The following SLC29A3 variants were observed in gnomAD, a reference collection of about 807,000 sequenced individuals.
SLC29A3 encodes the protein solute carrier family 29 member 3, also known as equilibrative nucleoside transporter 3.
A neutral mutation model predicts 25.4 loss-of-function variants in SLC29A3; 18 were observed. The ratio of observed to expected loss-of-function variants is 0.71; its 90% CI spans 0.49 to 1.05. SLC29A3 has a LOEUF of 1.05. Ranked by LOEUF, SLC29A3 falls within the 50% of genes least tolerant of loss-of-function variation. The pLI is 0.00. For missense variants in SLC29A3, 586 were observed against 609.0 expected, an observed-to-expected ratio of 0.96 and a Z score of 0.40; for synonymous variants, 258 against 267.1, an observed-to-expected ratio of 0.97 and a Z score of 0.33.
At chr10:71,380,170 A>G (rs1288784476) in exon 5 of SLC29A3, 1 of 152,110 alleles carries the variant, frequency 6.6e-6, no homozygotes, top group African/African-American at 2.4e-5. Flanking sequence ...GCATGCCCTC[A>G]CCCCACGGCT....
At chr10:71,333,158 C>T (rs1043277849) in intron 2 of SLC29A3, among the ~76,000 whole-genome samples, 9 of 152,224 alleles carry the variant, frequency 5.9e-5, no homozygotes, top group African/African-American at 2.2e-4. Context: ...CACCAAGGAG[C>T]CCAGCGCTTT....
intron 1 of SLC29A3, among the ~76,000 whole-genome samples, chr10:71,322,066 G>A (rs994179805): frequency 5.3e-5 from 8 of 152,020 alleles, no homozygotes; most frequent in African/African-American, 9.7e-5. Context: ...TTTTTGAACC[G>A]GTAATAAACT....
chr10:71,366,982 G>A (rs1273058809), downstream of SLC29A3, among the ~76,000 whole-genome samples: 2 of 152,156 alleles, frequency 1.3e-5, no homozygotes, highest in Non-Finnish European at 2.9e-5. Flanking sequence ...GTCTAGCTTT[G>A]ACTCCAGCAG....
Position 71,362,773 on chromosome 10 carries a change from G to T in SLC29A3, c.*165G>T. ...CAAGATGCCAGTGAGCCACGTCCAT[G>T]CCCATTCCGTGCAAGGCAGATATTC... On this transcript the variant is annotated 3_prime_UTR_variant, in exon 6 of 6. Transcript: ENST00000373189. 1.2e-6 allele frequency: 1 copy of T among 830,688 alleles called. No individual in the cohort carries two copies. The highest frequency in any genetic ancestry group is 2.0e-6 in the Non-Finnish European group (1 of 502,480). 51.5% of individuals were successfully genotyped at this position (830,688 alleles called of 1,614,324 possible). A position where few individuals can be genotyped will look rare whatever the true frequency, so the allele number is the denominator to read the frequency against.
At chr10:71,354,384 A>G (rs1310748615) in intron 4 of SLC29A3, among the ~76,000 whole-genome samples, 1 of 152,136 alleles carries the variant, frequency 6.6e-6, no homozygotes, top group Non-Finnish European at 1.5e-5. Context: ...TGAGTTCCTA[A>G]TTACAGTGCT....
At chr10:71,327,471 G>T (rs144223480) in intron 2 of SLC29A3, among the ~76,000 whole-genome samples, 1 of 152,248 alleles carries the variant, frequency 6.6e-6, no homozygotes, top group Non-Finnish European at 1.5e-5. Flanking sequence ...CCGACTCTGG[G>T]CCCACCATCC....
At chr10:71,348,252 G>T (rs761588268) in intron 3 of SLC29A3, among the ~76,000 whole-genome samples, 4 of 152,278 alleles carry the variant, frequency 2.6e-5, no homozygotes, top group African/African-American at 4.8e-5. Context: ...CATCTTTCCA[G>T]CCTGGCCTTT....
At chr10:71,372,269 C>G (rs1029047541) in intron 3 of SLC29A3, among the ~76,000 whole-genome samples, 2 of 152,184 alleles carry the variant, frequency 1.3e-5, no homozygotes, top group African/African-American at 4.8e-5. Context: ...CTTACTTAAT[C>G]CATTCAGTCA....
Position 71,362,367 on chromosome 10 carries a change from G to A in SLC29A3, c.1187G>A (p.Cys396Tyr), listed in dbSNP as rs1474120728. The change falls in exon 6 of 6, where the codon TGT becomes TAT. Residue 396 changes from cysteine (C) to tyrosine (Y), a missense_variant. Cys to Tyr is a radical substitution (Grantham distance 194, BLOSUM62 -2). Coordinates refer to ENST00000373189, the MANE Select transcript of SLC29A3 (RefSeq NM_018344.6). ...RTCLIPLFVL[C>Y]NYQPRVHLKT... ...TGCCTCATCCCCCTCTTCGTGCTCT[G>A]TAACTACCAGCCCCGCGTCCACCTG... is the stretch of plus-strand genomic sequence containing the variant. 1 of 1,613,988 alleles carries A rather than the reference G, an allele frequency of 6.2e-7. No individual in the cohort carries two copies. The highest frequency in any genetic ancestry group is 8.5e-7 in the Non-Finnish European group (1 of 1,180,034).
At position 71,325,981 on chromosome 10, in the gene SLC29A3, G is replaced by A. The variant is rs186079416; in HGVS notation, c.300+2927G>A. Among the ~76,000 whole-genome samples, 13 of 148,738 alleles carry A rather than the reference G, an allele frequency of 8.7e-5. No individual in the cohort carries two copies. In the East Asian group the frequency reaches 2.4e-3, roughly 27 times the overall value. ...ACCCAGGCTGGAGTGCAGTGGTGCA[G>A]TCAAGGCTCACTGCAGCCTCAACCT... On this transcript the variant is annotated intron_variant, in intron 2 of 5. Coordinates refer to ENST00000373189, the MANE Select transcript of SLC29A3 (RefSeq NM_018344.6).
At chr10:71,354,372 T>A (rs143958232) in intron 4 of SLC29A3, among the ~76,000 whole-genome samples, 177 of 152,190 alleles carry the variant, frequency 1.2e-3, no homozygotes, top group African/African-American at 3.9e-3. Context: ...GATTCTGGAG[T>A]CTGAGTTCCT....
chr10:71,346,261 A>G (rs1589234096), intron 3 of SLC29A3, among the ~76,000 whole-genome samples: 1 of 152,326 alleles, frequency 6.6e-6, no homozygotes, highest in African/African-American at 2.4e-5. Context: ...AATTAACAGT[A>G]GCACTTCTGA....
chr10:71,351,862 T>A, intron 4 of SLC29A3, 74 bp downstream of exon 4: 1 of 1,339,664 alleles, frequency 7.5e-7, no homozygotes, highest in Non-Finnish European at 1.0e-6. Flanking sequence ...GAGATGAGCA[T>A]GTGGTGGCCT....
chr10:71,361,035 A>G (rs552521888), intron 5 of SLC29A3, among the ~76,000 whole-genome samples: 2 of 152,238 alleles, frequency 1.3e-5, no homozygotes, highest in Non-Finnish European at 2.9e-5. Flanking sequence ...AAAGTTTTAC[A>G]ATATGTATGG....
intron 2 of SLC29A3, among the ~76,000 whole-genome samples, chr10:71,338,276 G>A (rs74461289): frequency 0.015 from 2,340 of 152,272 alleles, 57 homozygotes; most frequent in African/African-American, 0.054. Flanking sequence ...AACCATGTCC[G>A]TCAATTTTGG....
At chr10:71,368,390 T>C (rs1847186091) in intron 3 of SLC29A3, among the ~76,000 whole-genome samples, 1 of 152,254 alleles carries the variant, frequency 6.6e-6, no homozygotes, top group African/African-American at 2.4e-5. Flanking sequence ...CTTGTTGCAA[T>C]GCCAGCTGCT....
downstream of SLC29A3, among the ~76,000 whole-genome samples, chr10:71,363,863 G>T (rs1291337379): frequency 7.0e-6 from 1 of 141,980 alleles, no homozygotes; most frequent in African/African-American, 2.6e-5. Flanking sequence ...AGGCTGGAGT[G>T]CAGTGGCTCA....
intron 3 of SLC29A3, among the ~76,000 whole-genome samples, chr10:71,372,749 G>A (rs927618231): frequency 6.6e-6 from 1 of 152,206 alleles, no homozygotes; most frequent in African/African-American, 2.4e-5. Flanking sequence ...CCTTGAAAAT[G>A]ATCACAGATT....
intron 2 of SLC29A3, among the ~76,000 whole-genome samples, chr10:71,342,091 G>A (rs1846424146): frequency 6.6e-6 from 1 of 152,174 alleles, no homozygotes; most frequent in Non-Finnish European, 1.5e-5. Context: ...CCACACTCAG[G>A]GGAGGGCATC....
Sources: allele counts gnomAD v4.1 joint callset (sites outside exome capture counted in the v4.1 genomes callset), GRCh38; gene constraint gnomAD v4.1.1; transcripts MANE v1.5; gene names NCBI Gene and HGNC (gene_info 2026-07-23, HGNC 2026-07-21).